CREB3L1: variants seen among roughly 807,000 people sequenced by gnomAD.
CREB3L1 encodes cAMP responsive element binding protein 3 like 1.
Under a neutral mutation model 54.5 loss-of-function variants are expected in CREB3L1, and 33 were observed. That is an observed-to-expected ratio of 0.61 (90% CI 0.46 to 0.81). The LOEUF (loss-of-function observed/expected upper bound fraction) is 0.81. Among genes scored for constraint, CREB3L1 ranks in the 30% least tolerant of loss-of-function variants. The pLI, the probability that CREB3L1 is intolerant of heterozygous loss-of-function variation, is 0.00. For synonymous variants in CREB3L1, 284 were observed against 286.4 expected (o/e 0.99, Z 0.08); for missense variants, 656 against 673.3 (o/e 0.97, Z 0.29).
At chr11:46,314,247 AAAAAAG>A (rs1397167418) in intron 8 of CREB3L1, among the ~76,000 whole-genome samples, 1 of 151,974 alleles carries the variant, frequency 6.6e-6, no homozygotes, top group African/African-American at 2.4e-5. Flanking sequence ...CAAAAAAAAA[AAAAAAG>A]AAAGAAAAGA....
chr11:46,303,975 C>T (rs1939338272), intron 2 of CREB3L1, among the ~76,000 whole-genome samples: 1 of 152,100 alleles, frequency 6.6e-6, no homozygotes, highest in Admixed American at 6.6e-5. Context: ...CACTGCACTC[C>T]AGCCTAGGCG....
Position 46,313,004 on chromosome 11 carries a change from A to G in CREB3L1, c.1031+85A>G. On this transcript the variant is annotated intron_variant, in intron 8 of 11. Transcript: ENST00000621158. ...TCTGCATAGCTCTGGGAGACAGGGG[A>G]GAGGAGAGAGAACTAAGTTTAGGAT... is the stretch of plus-strand genomic sequence containing the variant. 2.9e-6 allele frequency: 3 copies of G among 1,017,744 alleles called. No homozygotes were observed. In the Middle Eastern group the frequency reaches 6.2e-4, roughly 212 times the overall value. The allele number at this position is 1,017,744 out of a possible 1,614,324, so 63.0% of individuals were successfully genotyped here. A position where few individuals can be genotyped will look rare whatever the true frequency, so the allele number is the denominator to read the frequency against.
chr11:46,278,885 C>G lies in CREB3L1; in HGVS notation c.102+672C>G, dbSNP rs901056135. 2.0e-5 allele frequency among the ~76,000 whole-genome samples: 3 copies of G among 152,162 alleles called. No homozygotes were observed. The highest frequency in any genetic ancestry group is 7.2e-5 in the African/African-American group (3 of 41,440). ...TCCTGGAGTCTGGCTGACTTTCTCC[C>G]TCTCCCTATGTCTTCTTGACTAGGT... On this transcript the variant is annotated intron_variant, in intron 1 of 11. Coordinates refer to ENST00000621158, the MANE Select transcript of CREB3L1 (RefSeq NM_052854.4). This position sits in a 1 kb window ranked among gnomAD's most constrained non-coding sequence, Gnocchi z 4.2.
chr11:46,317,940 G>A (rs1288603729), intron 10 of CREB3L1, among the ~76,000 whole-genome samples: 6 of 152,232 alleles, frequency 3.9e-5, no homozygotes, highest in Non-Finnish European at 7.3e-5. Context: ...ACCCTGGGCC[G>A]GGCGCGGTGG....
At chr11:46,283,357 C>T (rs948148437) in intron 1 of CREB3L1, among the ~76,000 whole-genome samples, 3 of 152,200 alleles carry the variant, frequency 2.0e-5, no homozygotes, top group South Asian at 2.1e-4. Flanking sequence ...CAAAGCAGAC[C>T]AAACAGAAAG....
intron 2 of CREB3L1, among the ~76,000 whole-genome samples, chr11:46,306,121 G>A (rs1566188101): frequency 6.6e-6 from 1 of 152,112 alleles, no homozygotes; most frequent in Non-Finnish European, 1.5e-5. Context: ...ATAGTTCACT[G>A]CAGCCTTGAA....
At chr11:46,285,192 C>G (rs2136335451) in intron 1 of CREB3L1, among the ~76,000 whole-genome samples, 1 of 152,282 alleles carries the variant, frequency 6.6e-6, no homozygotes, top group East Asian at 1.9e-4. Context: ...GTCCTGGTAC[C>G]GAGGCCCTCC....
At chr11:46,303,429 G>A (rs759966187) in intron 2 of CREB3L1, among the ~76,000 whole-genome samples, 2 of 152,054 alleles carry the variant, frequency 1.3e-5, no homozygotes, top group Non-Finnish European at 2.9e-5. Context: ...AGGATTGCTT[G>A]AGCCCAGGAG....
At chr11:46,307,766 G>C (rs1939420479) in intron 2 of CREB3L1, 50 bp from the exon 3 acceptor site, 1 of 1,448,460 alleles carries the variant, frequency 6.9e-7, no homozygotes. Flanking sequence ...GGCAGGCAGG[G>C]GGCTGAGACC....
intron 1 of CREB3L1, among the ~76,000 whole-genome samples, chr11:46,294,765 G>A (rs970458844): frequency 6.6e-6 from 1 of 152,090 alleles, no homozygotes; most frequent in Admixed American, 6.5e-5. Context: ...TCAGACTGAA[G>A]GCCCTTCAGC....
intron 1 of CREB3L1, among the ~76,000 whole-genome samples, chr11:46,279,245 A>C (rs1190371805): frequency 6.6e-6 from 1 of 152,108 alleles, no homozygotes; most frequent in Non-Finnish European, 1.5e-5. Context: ...CCCAGGACCA[A>C]GATAAACTTG....
At chr11:46,299,848 T>A (rs936642135) in intron 1 of CREB3L1, 87 bp from the exon 2 acceptor site, 2 of 894,048 alleles carry the variant, frequency 2.2e-6, no homozygotes, top group Non-Finnish European at 3.7e-6. Flanking sequence ...GTGGCCATGG[T>A]GGGGTGCTGC....
At chr11:46,284,803 A>C (rs1400405387) in intron 1 of CREB3L1, among the ~76,000 whole-genome samples, 1 of 152,182 alleles carries the variant, frequency 6.6e-6, no homozygotes, top group East Asian at 1.9e-4. Context: ...AGCTACAAGC[A>C]AGTTCTCTCA....
At chr11:46,310,240 C>T (rs1939463443) in intron 4 of CREB3L1, among the ~76,000 whole-genome samples, 173 bp downstream of exon 4, 1 of 148,876 alleles carries the variant, frequency 6.7e-6, no homozygotes, top group African/African-American at 2.6e-5. Flanking sequence ...TCGTCTAGTC[C>T]TCTTCGTTTT....
At chr11:46,304,302 G>T (rs1338611936) in intron 2 of CREB3L1, among the ~76,000 whole-genome samples, 1 of 152,018 alleles carries the variant, frequency 6.6e-6, no homozygotes, top group Non-Finnish European at 1.5e-5. Flanking sequence ...GAGAAACCCC[G>T]TCTCTACTAA....
Position 46,320,719 on chromosome 11 carries a change from C to T in CREB3L1, c.1533C>T (p.Gly511=). The T allele has an allele frequency of 6.2e-7, 1 of 1,612,142 alleles. No homozygotes were observed. Among genetic ancestry groups the T allele is most frequent in the Non-Finnish European group, 8.5e-7 (1 of 1,179,162 alleles). ...TCTCTTCTCTCTCCAGGGATCTGGG[C>T]CCCAACACCACCATCAAACTCTCCT... The part of the protein sequence containing the change: ...SKEWFHDRDL[G]PNTTIKLS The change falls in exon 12 of 12, where the codon GGC becomes GGT. Residue 511 remains glycine, a synonymous_variant. Transcript: ENST00000621158.
intron 11 of CREB3L1, 28 bp from the exon 12 acceptor site, chr11:46,320,682 T>A (rs376242824): frequency 1.4e-5 from 22 of 1,605,512 alleles, no homozygotes; most frequent in African/African-American, 9.4e-5. Context: ...TGCTGGACAG[T>A]CATCGCTGGC....
In CREB3L1 at chr11:46,295,736, T is replaced by G. The variant is rs563647059; in HGVS notation, c.103-4199T>G. On this transcript the variant is annotated intron_variant, in intron 1 of 11. Transcript: ENST00000621158. This position sits in a 1 kb window ranked among gnomAD's most constrained non-coding sequence, Gnocchi z 4.6. ...TTCCGGTGAGGGGCGGCCCCGGGTG[T>G]TCCCGGGTTAACCCTTTGTGGGCCG... 2.0e-5 allele frequency among the ~76,000 whole-genome samples: 3 copies of G among 152,116 alleles called. No homozygotes were observed. Among genetic ancestry groups the G allele is most frequent in the Non-Finnish European group, 4.4e-5 (3 of 68,012 alleles).
At chr11:46,283,066 C>T (rs1409013715) in intron 1 of CREB3L1, among the ~76,000 whole-genome samples, 1 of 152,022 alleles carries the variant, frequency 6.6e-6, no homozygotes, top group Non-Finnish European at 1.5e-5. Context: ...TGGCATATGC[C>T]TGTGGTCCCA....
Sources: allele counts gnomAD v4.1 joint callset (sites outside exome capture counted in the v4.1 genomes callset), GRCh38; gene constraint gnomAD v4.1.1; non-coding constraint Gnocchi (gnomAD v3.1); transcripts MANE v1.5; gene names NCBI Gene and HGNC (gene_info 2026-07-23, HGNC 2026-07-21).